FARP1: variants seen among roughly 807,000 people sequenced by gnomAD.
The protein encoded by FARP1 is FERM, ARH/RhoGEF and pleckstrin domain protein 1.
In FARP1, 52 loss-of-function variants were observed where a neutral mutation model predicts 128.8. That is an observed-to-expected ratio of 0.40 (90% CI 0.32 to 0.51). The LOEUF (loss-of-function observed/expected upper bound fraction) is 0.51, where lower values mean the gene tolerates loss of function less well. Among genes scored for constraint, FARP1 ranks in the 20% least tolerant of loss-of-function variants. The probability of loss-of-function intolerance (pLI) is 0.45; values close to 1 mark genes in which losing one functional copy is unlikely to be tolerated. For missense variants in FARP1, 1,333 were observed against 1,367.9 expected (o/e 0.97, Z 0.40); for synonymous variants, 580 against 551.8 (o/e 1.05, Z -0.72).
At chr13:98,351,635 A>G (rs563779798) in intron 3 of FARP1, among the ~76,000 whole-genome samples, 59 of 152,114 alleles carry the variant, frequency 3.9e-4, no homozygotes, top group African/African-American at 1.4e-3. Flanking sequence ...AAGAAAGAAA[A>G]AAAGAAAAGA....
chr13:98,152,193 T>C (rs774698), intron 1 of FARP1, among the ~76,000 whole-genome samples: 40,223 of 152,140 alleles, frequency 0.26, 6,443 homozygotes, highest in Non-Finnish European at 0.35. Context: ...CCCCTCGGCA[T>C]GTTGATTTTT....
intron 2 of FARP1, chr13:98,334,306 T>C (rs1258403397): frequency 1.3e-5 from 2 of 152,198 alleles, no homozygotes; most frequent in Admixed American, 1.3e-4. Context: ...GTGTCCAGCT[T>C]TACACAGATG....
rs191092277 is a variant in FARP1, at chr13:98,180,949, T to C, written c.-23-32271T>C. The stretch of plus-strand genomic sequence containing the variant: ...CCTTATTGTCCTAATACTCTGTTGT[T>C]AGATTATGTGTTTCCTCATTTATAT... On this transcript the variant is annotated intron_variant, in intron 1 of 26. Coordinates refer to ENST00000319562, the MANE Select transcript of FARP1 (RefSeq NM_005766.4). Among the ~76,000 whole-genome samples the C allele has an allele frequency of 2.6e-5, 4 of 152,340 alleles. 1 individual carries two copies. The highest frequency in any genetic ancestry group is 9.6e-5 in the African/African-American group (4 of 41,578).
intron 1 of FARP1, among the ~76,000 whole-genome samples, chr13:98,189,073 G>T (rs1321094677): frequency 6.6e-6 from 1 of 152,128 alleles, no homozygotes; most frequent in East Asian, 1.9e-4. Context: ...CACTTCCCAT[G>T]ATGTCCCCAG....
intron 2 of FARP1, among the ~76,000 whole-genome samples, chr13:98,219,360 CTT>C (rs772970842): frequency 6.9e-6 from 1 of 144,920 alleles, no homozygotes; most frequent in Admixed American, 6.9e-5. Context: ...ATTAAAAAGT[CTT>C]TTTTTTTTTT....
chr13:98,349,952 G>A (rs1371422732), intron 3 of FARP1, among the ~76,000 whole-genome samples: 2 of 152,156 alleles, frequency 1.3e-5, no homozygotes, highest in African/African-American at 4.8e-5. Context: ...CTTCATCTGT[G>A]CTTAGCCGCA....
intron 2 of FARP1, among the ~76,000 whole-genome samples, chr13:98,277,149 C>CACACACACACACACACACACACACA (rs1566824323): frequency 2.6e-4 from 29 of 113,274 alleles, no homozygotes; most frequent in Admixed American, 4.5e-4. Context: ...CACACACACA[C>CACACACACACACACACACACACACA]CCCATATGTA....
intron 1 of FARP1, among the ~76,000 whole-genome samples, chr13:98,160,599 C>G (rs572321378): frequency 6.6e-6 from 1 of 152,118 alleles, no homozygotes; most frequent in African/African-American, 2.4e-5. Flanking sequence ...CTGTTGTTAA[C>G]GACTACCACT....
At chr13:98,318,068 CTTT>C (rs35762706) in intron 2 of FARP1, among the ~76,000 whole-genome samples, 20 of 104,202 alleles carry the variant, frequency 1.9e-4, no homozygotes, top group African/African-American at 5.6e-4. Context: ...TCTCCTCCTC[CTTT>C]TTTTTTTTTT....
chr13:98,370,322 G>T (rs1889272423), intron 5 of FARP1, among the ~76,000 whole-genome samples: 1 of 151,788 alleles, frequency 6.6e-6, no homozygotes, highest in Non-Finnish European at 1.5e-5. Flanking sequence ...TGGGAGAGAG[G>T]CTTGACACAC....
intron 1 of FARP1, among the ~76,000 whole-genome samples, chr13:98,178,098 T>C (rs1413231278): frequency 1.3e-5 from 2 of 151,868 alleles, no homozygotes; most frequent in Non-Finnish European, 2.9e-5. Context: ...TTTAAAAAAA[T>C]ATTATCAAGC....
intron 16 of FARP1, among the ~76,000 whole-genome samples, chr13:98,412,425 T>G (rs1483788839): frequency 2.0e-5 from 3 of 152,268 alleles, no homozygotes; most frequent in Admixed American, 2.0e-4. Context: ...ACATGCCTTG[T>G]GCAGTTTTCT....
At position 98,280,155 on chromosome 13, in the gene FARP1, C is replaced by CT. The variant is rs974921751; in HGVS notation, c.172-63604dup. Among the ~76,000 whole-genome samples, 43 of 152,226 alleles carry CT rather than the reference C, an allele frequency of 2.8e-4. 1 individual carries two copies. The highest frequency in any genetic ancestry group is 8.5e-4 in the Admixed American group (13 of 15,284). On this transcript the variant is annotated intron_variant, in intron 2 of 26. Coordinates refer to ENST00000319562, the MANE Select transcript of FARP1 (RefSeq NM_005766.4). ...TGACTATTCTTTTGAGGAAATCCTT[C>CT]TTTAACACACAAATCAGCTGGCGTC...
At chr13:98,412,825 A>C (rs1891240180) in intron 16 of FARP1, among the ~76,000 whole-genome samples, 1 of 152,250 alleles carries the variant, frequency 6.6e-6, no homozygotes, top group South Asian at 2.1e-4. Flanking sequence ...GGAGAGAGAC[A>C]CATGGGGAGT....
chr13:98,147,095 C>T lies in FARP1; in HGVS notation c.-24+3603C>T, dbSNP rs117228654. Among the ~76,000 whole-genome samples the T allele has an allele frequency of 4.6e-5, 7 of 152,250 alleles. No individual in the cohort carries two copies. In the East Asian group the frequency reaches 1.4e-3, roughly 29 times the overall value. The stretch of plus-strand genomic sequence containing the variant: ...AGCCTTTGTTTTCAATCAAGAAGCC[C>T]CCAGAAAACGTGTATTTAAAACTGG... On this transcript the variant is annotated intron_variant, in intron 1 of 26. Transcript: ENST00000319562.
At chr13:98,372,910 G>A (rs561052062) in intron 5 of FARP1, among the ~76,000 whole-genome samples, 2 of 152,312 alleles carry the variant, frequency 1.3e-5, no homozygotes, top group South Asian at 4.1e-4. Flanking sequence ...TCTAGCTCGC[G>A]TGAGACTGAT....
chr13:98,446,917 T>G, intron 26 of FARP1, 100 bp downstream of exon 26: 2 of 1,272,584 alleles, frequency 1.6e-6, no homozygotes, highest in East Asian at 2.4e-5. Flanking sequence ...GGCCCCACCC[T>G]TCCCTGCCAA....
chr13:98,366,609 G>A (rs1474113273), intron 4 of FARP1, among the ~76,000 whole-genome samples: 1 of 152,230 alleles, frequency 6.6e-6, no homozygotes, highest in Non-Finnish European at 1.5e-5. Context: ...CATTACTGTA[G>A]TTGTCTCCTC....
intron 2 of FARP1, among the ~76,000 whole-genome samples, chr13:98,266,403 C>T (rs1451672013): frequency 2.0e-5 from 3 of 152,142 alleles, no homozygotes; most frequent in African/African-American, 7.2e-5. Context: ...CTCTGTAAAG[C>T]AGGATTCACA....
Sources: gnomAD v4.1 joint callset for allele counts (sites outside exome capture counted in the v4.1 genomes callset) on GRCh38, gnomAD v4.1.1 for gene constraint, MANE v1.5 for transcripts, NCBI Gene and HGNC (gene_info 2026-07-23, HGNC 2026-07-21) for gene names.